TNRC6B: variants seen among roughly 807,000 people sequenced by gnomAD.
The protein encoded by TNRC6B is trinucleotide repeat-containing gene 6B protein.
In TNRC6B, 52 loss-of-function variants were observed where a neutral mutation model predicts 203.6. That is an observed-to-expected ratio of 0.26 (90% CI 0.20 to 0.32). The LOEUF (loss-of-function observed/expected upper bound fraction) is 0.32. TNRC6B is among the 10% of genes least tolerant of loss of function. The pLI, the probability that TNRC6B is intolerant of heterozygous loss-of-function variation, is 1.00. For synonymous variants in TNRC6B, 838 were observed against 845.7 expected, an observed-to-expected ratio of 0.99 and a Z score of 0.16; for missense variants, 1,923 against 2,286.2, an observed-to-expected ratio of 0.84 and a Z score of 3.24.
At chr22:40,307,595 G>C (rs1428732980) in intron 15 of TNRC6B, among the ~76,000 whole-genome samples, 1 of 151,972 alleles carries the variant, frequency 6.6e-6, no homozygotes, top group Non-Finnish European at 1.5e-5. Flanking sequence ...GTGGCTTCCA[G>C]CTCTCCAGCT....
intron 1 of TNRC6B, among the ~76,000 whole-genome samples, chr22:40,046,645 AT>A (rs754235884): frequency 0.036 from 4,677 of 130,686 alleles, 138 homozygotes; most frequent in African/African-American, 0.12. Flanking sequence ...CAGAGTCTCA[AT>A]TTTTTTTTTT....
intron 1 of TNRC6B, among the ~76,000 whole-genome samples, chr22:40,087,064 TG>T (rs1465493913): frequency 6.6e-6 from 1 of 152,232 alleles, no homozygotes; most frequent in Non-Finnish European, 1.5e-5. Context: ...TGGAAAATTT[TG>T]CTTTATTATA....
rs180928667 is a variant in TNRC6B at position 40,101,434 on chromosome 22, A to C, written c.-120-15621A>C. On this transcript the variant is annotated intron_variant, in intron 1 of 23. Coordinates refer to the TNRC6B transcript ENST00000301923. ...ATAAGGTCTGAATATTCACATTTCT[A>C]TCAGGATTCCAAGTGCTGTTGCTGC... Among the ~76,000 whole-genome samples the C allele has an allele frequency of 3.0e-4, 45 of 152,280 alleles. No homozygotes were observed. The East Asian group carries it at 8.3e-3, about 28-fold the overall frequency.
intron 1 of TNRC6B, among the ~76,000 whole-genome samples, chr22:40,091,729 G>A (rs1334289932): frequency 3.9e-5 from 6 of 152,230 alleles, no homozygotes; most frequent in African/African-American, 1.4e-4. Flanking sequence ...AAAGAGTGTT[G>A]GCCGGGAGTT....
intron 1 of TNRC6B, chr22:40,045,701 C>T (rs1169738654): frequency 6.6e-6 from 1 of 152,220 alleles, no homozygotes; most frequent in African/African-American, 2.4e-5. Context: ...TACACCTTCC[C>T]GTGGTCCGGT....
Position 40,323,521 on chromosome 22 carries a change from A to G in TNRC6B, c.*280A>G, listed in dbSNP as rs2071366160. The G allele has an allele frequency of 3.2e-6, 1 of 316,506 alleles. No individual in the cohort carries two copies. Among genetic ancestry groups the G allele is most frequent in the South Asian group, 5.5e-5 (1 of 18,294 alleles). The allele number at this position is 316,506 out of a possible 1,614,324, so 19.6% of individuals were successfully genotyped here. On this transcript the variant is annotated 3_prime_UTR_variant, in exon 23 of 23. Coordinates refer to ENST00000454349, the MANE Select transcript of TNRC6B (RefSeq NM_001162501.2). ...CCAACCTAGAAAGACAATGTGAAGCAAGTACACATACCATTTAAATTTAAA... is the reference window on the plus strand; with the variant it reads ...CCAACCTAGAAAGACAATGTGAAGCGAGTACACATACCATTTAAATTTAAA...
intron 2 of TNRC6B, 68 bp downstream of exon 2, chr22:40,246,170 C>G: frequency 7.9e-7 from 1 of 1,260,806 alleles, no homozygotes; most frequent in Non-Finnish European, 1.1e-6. Context: ...AAGAAACTGT[C>G]TTGGCTTGAA....
chr22:40,319,990 A>G (rs1029337392), intron 21 of TNRC6B, among the ~76,000 whole-genome samples: 39 of 152,158 alleles, frequency 2.6e-4, no homozygotes, highest in African/African-American at 8.9e-4. Context: ...TGTGTAATCT[A>G]TTGTTACTTA....
At position 40,319,624 on chromosome 22, in the gene TNRC6B, C is replaced by T. The variant is rs181272177; in HGVS notation, c.4975-1466C>T. 2.5e-3 allele frequency among the ~76,000 whole-genome samples: 374 copies of T among 152,100 alleles called. 1 individual carries two copies. The highest frequency in any genetic ancestry group is 6.8e-3 in the Middle Eastern group (2 of 294). ...GTGTTTTTAGTAGAGATGGGTTTCACCATGTTAGCCAGGATGGTCTTGATC... is the reference window on the plus strand; with the variant it reads ...GTGTTTTTAGTAGAGATGGGTTTCATCATGTTAGCCAGGATGGTCTTGATC... On this transcript the variant is annotated intron_variant, in intron 21 of 22. Transcript: ENST00000454349.
chr22:40,120,547 A>G (rs148451145), intron 2 of TNRC6B, among the ~76,000 whole-genome samples: 72 of 152,224 alleles, frequency 4.7e-4, no homozygotes, highest in African/African-American at 1.6e-3. Context: ...AAAGCTTAGG[A>G]AGTAAAAGTG....
At chr22:40,299,996 G>A (rs2071000745) in intron 12 of TNRC6B, among the ~76,000 whole-genome samples, 1 of 152,180 alleles carries the variant, frequency 6.6e-6, no homozygotes, top group Non-Finnish European at 1.5e-5. Context: ...GCTATCAGAA[G>A]CCATGCATTG....
chr22:40,252,695 C>T (rs2070212642), intron 3 of TNRC6B, among the ~76,000 whole-genome samples: 1 of 152,194 alleles, frequency 6.6e-6, no homozygotes, highest in South Asian at 2.1e-4. Context: ...TACATTTCCT[C>T]AGTTTCAGCC....
rs954196551 is a variant in TNRC6B at position 40,324,464 on chromosome 22, C to A, written c.*1223C>A. ...TCCTTATGATCAGGTTTGAGAAATT[C>A]TTCAAAAAATTAGGTGAAGTTGAGT... is the stretch of plus-strand genomic sequence containing the variant. On this transcript the variant is annotated 3_prime_UTR_variant, in exon 23 of 23. Coordinates refer to ENST00000454349, the MANE Select transcript of TNRC6B (RefSeq NM_001162501.2). 5 of 152,542 alleles carry A rather than the reference C, an allele frequency of 3.3e-5. No individual in the cohort carries two copies. The highest frequency in any genetic ancestry group is 1.2e-4 in the African/African-American group (5 of 41,418). The allele number at this position is 152,542 out of a possible 1,614,324, so 9.4% of individuals were successfully genotyped here.
intron 1 of TNRC6B, among the ~76,000 whole-genome samples, chr22:40,076,347 G>A (rs2068013271): frequency 6.6e-6 from 1 of 152,188 alleles, no homozygotes. Context: ...TGGGGAGGTT[G>A]AGGCTGCAGT....
chr22:40,131,180 A>C (rs1457439051), intron 3 of TNRC6B, among the ~76,000 whole-genome samples: 2 of 152,044 alleles, frequency 1.3e-5, no homozygotes, highest in African/African-American at 2.4e-5. Context: ...TCAGCCTCCC[A>C]AAGTGCTGGG....
chr22:40,218,541 T>C (rs989171160), intron 1 of TNRC6B, among the ~76,000 whole-genome samples: 12 of 152,130 alleles, frequency 7.9e-5, no homozygotes, highest in Non-Finnish European at 1.3e-4. Context: ...TTTCCCAGGC[T>C]AGTCTCGAAC....
chr22:40,095,963 G>T (rs2068183369), intron 1 of TNRC6B, among the ~76,000 whole-genome samples: 1 of 152,016 alleles, frequency 6.6e-6, no homozygotes, highest in African/African-American at 2.4e-5. Flanking sequence ...CTAAGCTGGT[G>T]ACTTTAGCCT....
intron 3 of TNRC6B, among the ~76,000 whole-genome samples, chr22:40,154,863 ATAT>A (rs1569000864): frequency 0.059 from 1,658 of 28,180 alleles, 32 homozygotes; most frequent in Non-Finnish European, 0.079. Flanking sequence ...AAAAAAAAAT[ATAT>A]ATATATATAT....
intron 1 of TNRC6B, among the ~76,000 whole-genome samples, chr22:40,056,158 A>G (rs900831675): frequency 5.3e-5 from 8 of 151,838 alleles, no homozygotes; most frequent in Admixed American, 1.3e-4. Flanking sequence ...CTTCCATTCT[A>G]TTTCCGCTAA....
Sources: gnomAD v4.1 joint callset for allele counts (sites outside exome capture counted in the v4.1 genomes callset) on GRCh38, gnomAD v4.1.1 for gene constraint, MANE v1.5 for transcripts, NCBI Gene and HGNC (gene_info 2026-07-23, HGNC 2026-07-21) for gene names.